The following UNC50 variants were observed in gnomAD, a reference collection of about 807,000 sequenced individuals.
The protein encoded by UNC50 is unc-50 inner nuclear membrane RNA binding protein.
In UNC50, 24 loss-of-function variants were observed where a neutral mutation model predicts 31.5. That is an observed-to-expected ratio of 0.76 (90% CI 0.55 to 1.07). UNC50 has a LOEUF of 1.07. Ranked by LOEUF, UNC50 falls within the 50% of genes least tolerant of loss-of-function variation. The pLI, the probability that UNC50 is intolerant of heterozygous loss-of-function variation, is 0.00. For missense variants in UNC50, 245 were observed against 304.2 expected (o/e 0.81, Z 1.45); for synonymous variants, 118 against 114.7 (o/e 1.03, Z -0.18).
At chr2:98,617,567 T>C (rs548948969) in intron 5 of UNC50, among the ~76,000 whole-genome samples, 1 of 152,270 alleles carries the variant, frequency 6.6e-6, no homozygotes, top group Admixed American at 6.5e-5. Context: ...GAACTTCCTA[T>C]ATGAGAAATA....
At chr2:98,613,761 A>AG (rs1380457169) in intron 3 of UNC50, among the ~76,000 whole-genome samples, 2 of 152,246 alleles carry the variant, frequency 1.3e-5, no homozygotes. Context: ...TCTGTATCAT[A>AG]GTTTGAATTA....
In UNC50 at chr2:98,618,423, A is replaced by C. The variant is rs548724192; in HGVS notation, c.*119A>C. On this transcript the variant is annotated 3_prime_UTR_variant, in exon 6 of 6. Coordinates refer to ENST00000357765, the MANE Select transcript of UNC50 (RefSeq NM_014044.7). ...ATATCTTAAAGGTGTAAAGTTTGCA[A>C]ATTTGAAGAAATATATATTAACACT... 9.8e-7 allele frequency: 1 copy of C among 1,017,072 alleles called. No individual in the cohort carries two copies. Among genetic ancestry groups the C allele is most frequent in the African/African-American group, 1.7e-5 (1 of 60,228 alleles). 63.0% of individuals were successfully genotyped at this position (1,017,072 alleles called of 1,614,324 possible). A position where few individuals can be genotyped will look rare whatever the true frequency, so the allele number is the denominator to read the frequency against.
chr2:98,611,968 GCC>G (rs1336436643), intron 3 of UNC50, among the ~76,000 whole-genome samples: 3 of 100,044 alleles, frequency 3.0e-5, no homozygotes, highest in South Asian at 3.7e-4. Context: ...CACACCCTCC[GCC>G]CCCCCCGCCC....
Position 98,616,916 on chromosome 2 carries a change from G to A in UNC50, c.643+383G>A, listed in dbSNP as rs144097967. Among the ~76,000 whole-genome samples the A allele has an allele frequency of 3.0e-3, 460 of 152,318 alleles. 2 individuals carry two copies. The highest frequency in any genetic ancestry group is 7.3e-3 in the South Asian group (35 of 4,816). On this transcript the variant is annotated intron_variant, in intron 5 of 5. Transcript: ENST00000357765. Reference sequence around the variant, plus strand: ...TGGGTTACCAGCAGGAGGGTAGAGCGAAGAAAGGTGGGGCCCAGCATCTTG... The same window carrying A: ...TGGGTTACCAGCAGGAGGGTAGAGCAAAGAAAGGTGGGGCCCAGCATCTTG...
chr2:98,616,440 C>T lies in UNC50; in HGVS notation c.550C>T (p.Leu184=). Residue 184 remains leucine (L), a synonymous_variant, in exon 5 of 6, where the codon CTG becomes TTG. Transcript: ENST00000357765. ...IQLFFINHVI[L]TDTFIGYLVG... ...TGCGTCTCTTCTGGCAGATGTTATC[C>T]TGACAGACACATTTATTGGATATTT... The T allele has an allele frequency of 1.9e-6, 3 of 1,614,038 alleles. No individual in the cohort carries two copies. Among genetic ancestry groups the T allele is most frequent in the Non-Finnish European group, 2.5e-6 (3 of 1,179,954 alleles).
At position 98,608,640 on chromosome 2, in the gene UNC50, A is replaced by C; in HGVS notation, c.-91A>C. ...GGGCCGGCTCCGTTGAGGGAAGGGAAGCCCGCCCGGTGGCGGCTGGGGTCG... is the reference window on the plus strand; with the variant it reads ...GGGCCGGCTCCGTTGAGGGAAGGGACGCCCGCCCGGTGGCGGCTGGGGTCG... On this transcript the variant is annotated 5_prime_UTR_variant, in exon 1 of 6. Coordinates refer to ENST00000357765, the MANE Select transcript of UNC50 (RefSeq NM_014044.7). 5.2e-6 allele frequency: 3 copies of C among 571,640 alleles called. No homozygotes were observed. Among genetic ancestry groups the C allele is most frequent in the Non-Finnish European group, 9.3e-6 (3 of 321,312 alleles). 35.4% of individuals were successfully genotyped at this position (571,640 alleles called of 1,614,324 possible).
At chr2:98,612,091 T>C (rs1346137625) in intron 3 of UNC50, among the ~76,000 whole-genome samples, 1 of 151,472 alleles carries the variant, frequency 6.6e-6, no homozygotes, top group African/African-American at 2.4e-5. Flanking sequence ...GGTAAAGTCC[T>C]CCTGTGTGGT....
chr2:98,615,964 A>G (rs745750448), intron 3 of UNC50, among the ~76,000 whole-genome samples: 1 of 152,160 alleles, frequency 6.6e-6, no homozygotes, highest in Non-Finnish European at 1.5e-5. Context: ...TGACCCTCAT[A>G]TGTACAATTG....
rs779973812 is a variant in UNC50, at chr2:98,616,357, G to A, written c.541+11G>A. ...TTTTTTTCATCAACCGTAAGTAGCA[G>A]TTAATTAGAGTATTATCCAAGTCTT... On this transcript the variant is annotated intron_variant, in intron 4 of 5. Transcript: ENST00000357765. 16 of 1,613,916 alleles carry A rather than the reference G, an allele frequency of 9.9e-6. No homozygotes were observed. In the East Asian group the frequency reaches 3.6e-4, roughly 36 times the overall value.
At chr2:98,613,534 G>A (rs973429719) in intron 3 of UNC50, among the ~76,000 whole-genome samples, 1 of 152,212 alleles carries the variant, frequency 6.6e-6, no homozygotes, top group African/African-American at 2.4e-5. Flanking sequence ...AGTACAAGTG[G>A]GGGAAATGCC....
At position 98,616,445 on chromosome 2, in the gene UNC50, A is replaced by G; in HGVS notation, c.555A>G (p.Thr185=). ...QLFFINHVIL[T]DTFIGYLVGN... is the part of the protein sequence containing the mutation. ...CTCTTCTGGCAGATGTTATCCTGAC[A>G]GACACATTTATTGGATATTTAGTTG... The change falls in exon 5 of 6, where the codon ACA becomes ACG. Residue 185 remains threonine, a synonymous_variant. Coordinates refer to ENST00000357765, the MANE Select transcript of UNC50 (RefSeq NM_014044.7). 4 of 1,614,126 alleles carry G rather than the reference A, an allele frequency of 2.5e-6. No homozygotes were observed. Among genetic ancestry groups the G allele is most frequent in the Non-Finnish European group, 3.4e-6 (4 of 1,179,972 alleles).
chr2:98,611,978 C>T (rs984501478), intron 3 of UNC50, among the ~76,000 whole-genome samples: 151 of 141,560 alleles, frequency 1.1e-3, no homozygotes, highest in African/African-American at 3.7e-3. Flanking sequence ...GCCCCCCCCG[C>T]CCCCCCACCG....
At chr2:98,617,339 GGTTT>G (rs1288949675) in intron 5 of UNC50, among the ~76,000 whole-genome samples, 2 of 152,158 alleles carry the variant, frequency 1.3e-5, no homozygotes, top group African/African-American at 4.8e-5. Context: ...CCCCTTGGCT[GGTTT>G]GTCAGGGAAC....
intron 3 of UNC50, among the ~76,000 whole-genome samples, chr2:98,611,500 G>T (rs953642673): frequency 1.3e-5 from 2 of 152,154 alleles, no homozygotes; most frequent in Non-Finnish European, 2.9e-5. Flanking sequence ...AAACAATGGG[G>T]CAGAGGAAGC....
intron 2 of UNC50, 69 bp downstream of exon 2, chr2:98,610,108 G>T (rs1378378708): frequency 9.0e-6 from 13 of 1,451,802 alleles, no homozygotes; most frequent in Non-Finnish European, 1.2e-5. Context: ...TTATAAATGT[G>T]TTGTGGGTCA....
chr2:98,608,613 A>G lies in UNC50; in HGVS notation c.-118A>G, dbSNP rs956928034. ...CGGTTCCCGTGACGCGGCGCGCCCC[A>G]AGGGCCGGCTCCGTTGAGGGAAGGG... On this transcript the variant is annotated 5_prime_UTR_variant, in exon 1 of 6. Transcript: ENST00000357765. 6 of 598,752 alleles carry G rather than the reference A, an allele frequency of 1.0e-5. No individual in the cohort carries two copies. The highest frequency in any genetic ancestry group is 2.9e-5 in the Admixed American group (1 of 34,628). 37.1% of individuals were successfully genotyped at this position (598,752 alleles called of 1,614,324 possible).
In UNC50 at chr2:98,609,677, A is replaced by G. The variant is rs757809138; in HGVS notation, c.-4-79A>G. Reference sequence around the variant, plus strand: ...GAACATGGAAAGTGACCTCCCTGCCAAATAACTCAGAAGAGGAGTGTCGGT... The same window carrying G: ...GAACATGGAAAGTGACCTCCCTGCCGAATAACTCAGAAGAGGAGTGTCGGT... On this transcript the variant is annotated intron_variant, in intron 1 of 5. Coordinates refer to ENST00000357765, the MANE Select transcript of UNC50 (RefSeq NM_014044.7). 1.1e-5 allele frequency: 17 copies of G among 1,596,580 alleles called. No homozygotes were observed. In the South Asian group the frequency reaches 1.3e-4, roughly 13 times the overall value.
intron 5 of UNC50, among the ~76,000 whole-genome samples, chr2:98,617,558 A>T (rs1303942111): frequency 7.0e-6 from 1 of 142,184 alleles, no homozygotes; most frequent in Non-Finnish European, 1.6e-5. Flanking sequence ...TTTGTTTAAG[A>T]ACTTCCTATA....
intron 2 of UNC50, 58 bp downstream of exon 2, chr2:98,610,097 G>C: frequency 6.7e-7 from 1 of 1,501,928 alleles, no homozygotes; most frequent in Non-Finnish European, 9.0e-7. Flanking sequence ...TAGATTTTTT[G>C]TTATAAATGT....
Sources: allele counts gnomAD v4.1 joint callset (sites outside exome capture counted in the v4.1 genomes callset), GRCh38; gene constraint gnomAD v4.1.1; transcripts MANE v1.5; gene names NCBI Gene and HGNC (gene_info 2026-07-23, HGNC 2026-07-21).